ACSBG1: variants seen among roughly 807,000 people sequenced by gnomAD.
The protein encoded by ACSBG1 is long-chain-fatty-acid--CoA ligase ACSBG1.
A neutral mutation model predicts 80.2 loss-of-function variants in ACSBG1; 39 were observed. The ratio of observed to expected loss-of-function variants is 0.49; its 90% CI spans 0.38 to 0.64. The LOEUF (loss-of-function observed/expected upper bound fraction) is 0.64, where lower values mean the gene tolerates loss of function less well. ACSBG1 is among the 30% of genes least tolerant of loss of function. ACSBG1 has a pLI of 0.00. For synonymous variants in ACSBG1, 392 were observed against 379.5 expected (o/e 1.03, Z -0.38); for missense variants, 828 against 966.4 (o/e 0.86, Z 1.90).
At chr15:78,224,624 G>C (rs1025616239) in intron 1 of ACSBG1, among the ~76,000 whole-genome samples, 1 of 152,178 alleles carries the variant, frequency 6.6e-6, no homozygotes, top group South Asian at 2.1e-4. Context: ...AAGAGGCTGA[G>C]GCAGGAGAAT....
chr15:78,229,746 T>C (rs964693370), intron 1 of ACSBG1, among the ~76,000 whole-genome samples: 2 of 152,108 alleles, frequency 1.3e-5, no homozygotes, highest in Admixed American at 6.5e-5. Flanking sequence ...TAGTCCAGCC[T>C]GTACTCACTG....
In ACSBG1 at chr15:78,178,943, CCT is replaced by C; in HGVS notation, c.1485-114_1485-113del. 9.3e-7 allele frequency: 1 copy of C among 1,074,152 alleles called. No homozygotes were observed. Among genetic ancestry groups the C allele is most frequent in the Non-Finnish European group, 1.3e-6 (1 of 767,526 alleles). 66.5% of individuals were successfully genotyped at this position (1,074,152 alleles called of 1,614,324 possible). A position where few individuals can be genotyped will look rare whatever the true frequency, so the allele number is the denominator to read the frequency against. On this transcript the variant is annotated intron_variant, in intron 10 of 13. Transcript: ENST00000258873. The surrounding 1 kb of genome is among the most constrained non-coding windows in gnomAD (Gnocchi z 4.3). Reference sequence around the variant, plus strand: ...CTTCACTGATTGCTAGAAGGTATCCCCTCACAGGGCTTTTGTATTTTTACAGG... The same window carrying C: ...CTTCACTGATTGCTAGAAGGTATCCCCACAGGGCTTTTGTATTTTTACAGG...
chr15:78,187,307 C>T (rs1330476764), intron 5 of ACSBG1, among the ~76,000 whole-genome samples: 1 of 152,156 alleles, frequency 6.6e-6, no homozygotes, highest in Non-Finnish European at 1.5e-5. Context: ...AGAGGGAATC[C>T]TCCCTAACTC....
chr15:78,213,011 TCA>T (rs1222455289), intron 1 of ACSBG1, among the ~76,000 whole-genome samples: 2 of 152,150 alleles, frequency 1.3e-5, no homozygotes, highest in Non-Finnish European at 2.9e-5. Flanking sequence ...AGCCTCCCCA[TCA>T]CTTCTGGTAG....
chr15:78,190,647 T>A (rs2075049291), intron 5 of ACSBG1, among the ~76,000 whole-genome samples: 1 of 151,956 alleles, frequency 6.6e-6, no homozygotes, highest in Non-Finnish European at 1.5e-5. Flanking sequence ...GTGGGGTTTA[T>A]AACCTCTATA....
In ACSBG1 at chr15:78,178,848, C is replaced by T. The variant is rs201594372; in HGVS notation, c.1485-17G>A. 5.0e-6 allele frequency: 8 copies of T among 1,593,076 alleles called. No homozygotes were observed. The highest frequency in any genetic ancestry group is 2.3e-5 in the East Asian group (1 of 43,820). On this transcript the variant is annotated splice_polypyrimidine_tract_variant and intron_variant, in intron 10 of 13. Coordinates refer to ENST00000258873, the MANE Select transcript of ACSBG1 (RefSeq NM_015162.5). This position sits in a 1 kb window ranked among gnomAD's most constrained non-coding sequence, Gnocchi z 4.3. Reference sequence around the variant, plus strand: ...TTGCCTGAGCTGGCGAGGGAGGGGCCGGGAGACTGGTCAGAGGGAGCCGTC... The same window carrying T: ...TTGCCTGAGCTGGCGAGGGAGGGGCTGGGAGACTGGTCAGAGGGAGCCGTC...
intron 1 of ACSBG1, among the ~76,000 whole-genome samples, chr15:78,224,448 G>A (rs1429878893): frequency 1.3e-5 from 2 of 152,146 alleles, no homozygotes; most frequent in South Asian, 2.1e-4. Flanking sequence ...GGCCGGGCGT[G>A]GTGGCTCACT....
intron 5 of ACSBG1, among the ~76,000 whole-genome samples, chr15:78,183,073 GGAGTA>G (rs1378351587): frequency 6.6e-6 from 1 of 152,188 alleles, no homozygotes; most frequent in Non-Finnish European, 1.5e-5. Flanking sequence ...GCCACACAAT[GGAGTA>G]GTGCTATGTG....
rs779399847 is a variant in ACSBG1, at chr15:78,178,688, T to C, written c.1628A>G (p.Glu543Gly). The change falls in exon 11 of 14, where the codon GAA becomes GGA. Residue 543 changes from glutamate (E) to glycine (G), a missense_variant. Glu to Gly is a moderately conservative substitution (Grantham distance 98, BLOSUM62 -2). Around this residue, in one of 3 missense-constraint regions of ACSBG1, gnomAD observed 271 missense variants for 375.9 expected, o/e 0.72. Transcript: ENST00000258873. The surrounding 1 kb of genome is among the most constrained non-coding windows in gnomAD (Gnocchi z 4.3). ...EDKTCEAIDE[E>G]GWLHTGDAGR... ...AGCATCACCCGTGTGCAGCCAGCCT[T>C]CCTCGTCGATGGCCTCACAAGTCTT... 6.8e-6 allele frequency: 11 copies of C among 1,614,056 alleles called. No homozygotes were observed. The Admixed American group carries it at 1.8e-4, about 27-fold the overall frequency.
rs749214585 is a variant in ACSBG1, at chr15:78,182,095, T to C, written c.945A>G (p.Ala315=). 4 of 1,612,854 alleles carry C rather than the reference T, an allele frequency of 2.5e-6. No homozygotes were observed. In the African/African-American group the frequency reaches 5.3e-5, roughly 22 times the overall value. ...TGACTACCACCTCCTGCTGGACTTC[T>C]GCCGGCCGGATGTCACCGGCCTGGC... The part of the protein sequence containing the change: ...YGSQAGDIRP[A]EVQQEVVVSY... Residue 315 remains alanine (A), a synonymous_variant, in exon 8 of 14, where the codon GCA becomes GCG. Transcript: ENST00000258873.
chr15:78,228,144 C>A (rs574585662), intron 1 of ACSBG1, among the ~76,000 whole-genome samples: 1 of 152,200 alleles, frequency 6.6e-6, no homozygotes, highest in South Asian at 2.1e-4. Context: ...ACAACCTTTA[C>A]AGTTTCCAAA....
chr15:78,207,447 G>C (rs891634736), intron 2 of ACSBG1, among the ~76,000 whole-genome samples: 4 of 152,004 alleles, frequency 2.6e-5, no homozygotes, highest in African/African-American at 9.7e-5. Flanking sequence ...CACAAAAGAT[G>C]TATTATTATT....
intron 1 of ACSBG1, among the ~76,000 whole-genome samples, chr15:78,218,006 T>C (rs2075326675): frequency 6.6e-6 from 1 of 152,132 alleles, no homozygotes; most frequent in African/African-American, 2.4e-5. Flanking sequence ...TGCTCAAAGC[T>C]GACATAATTT....
At position 78,193,638 on chromosome 15, in the gene ACSBG1, C is replaced by A; in HGVS notation, c.543-12G>T. ...CAGTGACGATGCCACTGTAGGAGAC[C>A]CAGGAAGATTCACCTTAGGGGAGGT... is the stretch of plus-strand genomic sequence containing the variant. On this transcript the variant is annotated splice_polypyrimidine_tract_variant and intron_variant, in intron 4 of 13. Transcript: ENST00000258873. 1.2e-6 allele frequency: 2 copies of A among 1,610,178 alleles called. No individual in the cohort carries two copies. The highest frequency in any genetic ancestry group is 1.1e-5 in the South Asian group (1 of 90,348).
intron 2 of ACSBG1, 38 bp from the exon 3 acceptor site, chr15:78,194,764 G>A: frequency 6.3e-7 from 1 of 1,592,878 alleles, no homozygotes; most frequent in Non-Finnish European, 8.6e-7. Context: ...GATCATGCCA[G>A]CCTGGGGACA....
chr15:78,180,548 T>C (rs2074931380), intron 9 of ACSBG1, among the ~76,000 whole-genome samples: 1 of 151,900 alleles, frequency 6.6e-6, no homozygotes, highest in African/African-American at 2.4e-5. Context: ...CCAGTCAGAA[T>C]CCAAAGGTGG....
chr15:78,223,158 ACC>A (rs920148007), intron 1 of ACSBG1, among the ~76,000 whole-genome samples: 1 of 151,926 alleles, frequency 6.6e-6, no homozygotes, highest in African/African-American at 2.4e-5. Context: ...TGGATCCCTG[ACC>A]CACCATGTCA....
At chr15:78,223,599 G>C (rs1172787034) in intron 1 of ACSBG1, among the ~76,000 whole-genome samples, 2 of 152,204 alleles carry the variant, frequency 1.3e-5, no homozygotes, top group Non-Finnish European at 2.9e-5. Flanking sequence ...AGCTTATGGA[G>C]AGGCCCACTG....
intron 2 of ACSBG1, among the ~76,000 whole-genome samples, chr15:78,205,959 G>A (rs1032582110): frequency 6.6e-6 from 1 of 152,166 alleles, no homozygotes; most frequent in African/African-American, 2.4e-5. Context: ...GGCCTGGCAC[G>A]CGGTGGACAC....
Sources: gnomAD v4.1 joint callset for allele counts (sites outside exome capture counted in the v4.1 genomes callset) on GRCh38, gnomAD v4.1.1 for gene constraint, gnomAD v4.1.1 regional missense constraint, Gnocchi (gnomAD v3.1) non-coding constraint, MANE v1.5 for transcripts, NCBI Gene and HGNC (gene_info 2026-07-23, HGNC 2026-07-21) for gene names.